RBFOX1: variants seen among roughly 807,000 people sequenced by gnomAD.
RBFOX1 encodes RNA binding protein fox-1 homolog 1.
A neutral mutation model predicts 57.7 loss-of-function variants in RBFOX1; 8 were observed. The observed-to-expected ratio is 0.14, with a 90% CI of 0.08 to 0.25. The LOEUF is 0.25. Among genes scored for constraint, RBFOX1 ranks in the 10% least tolerant of loss-of-function variants. The pLI is 1.00. For synonymous variants in RBFOX1, 326 were observed against 222.4 expected (o/e 1.47, Z -4.15); for missense variants, 611 against 548.5 (o/e 1.11, Z -1.14).
intron 4 of RBFOX1, among the ~76,000 whole-genome samples, chr16:7,265,326 C>T (rs948007462): frequency 2.0e-5 from 3 of 151,258 alleles, no homozygotes; most frequent in Non-Finnish European, 2.9e-5. Flanking sequence ...CCTGTATCTT[C>T]CCTTGGCAGA....
Position 5,752,827 on chromosome 16 carries a change from A to T in RBFOX1, c.319-114476A>T, listed in dbSNP as rs537840799. Among the ~76,000 whole-genome samples the T allele has an allele frequency of 1.6e-4, 25 of 152,288 alleles. No individual in the cohort carries two copies. In the South Asian group the frequency reaches 4.1e-3, roughly 25 times the overall value. On this transcript the variant is annotated intron_variant, in intron 3 of 19. Coordinates refer to the RBFOX1 transcript ENST00000641259. ...ACTTTGAGGCATATGTTGAGTTTCA[A>T]ACTAGATCAAAAGAAATAAATTCAG...
At chr16:6,842,145 A>AAAAAAAT (rs1311386931) in intron 3 of RBFOX1, among the ~76,000 whole-genome samples, 3 of 141,830 alleles carry the variant, frequency 2.1e-5, no homozygotes, top group East Asian at 4.2e-4. Context: ...TGTCTCAGAA[A>AAAAAAAT]AAAAAATAAA....
At chr16:6,316,879 A>C in intron 1 of RBFOX1, 116 bp from the exon 2 acceptor site, 1 of 696,044 alleles carries the variant, frequency 1.4e-6, no homozygotes. Context: ...TTAAATTCAC[A>C]ATATAGTCAG....
At chr16:5,514,760 G>C (rs1488014954) in intron 2 of RBFOX1, among the ~76,000 whole-genome samples, 1 of 152,076 alleles carries the variant, frequency 6.6e-6, no homozygotes, top group Non-Finnish European at 1.5e-5. Context: ...AAGGGGAAGA[G>C]GGGGAATCAG....
chr16:6,964,565 G>T (rs922723396), intron 3 of RBFOX1, among the ~76,000 whole-genome samples: 2 of 152,102 alleles, frequency 1.3e-5, no homozygotes, highest in Middle Eastern at 3.2e-3. Flanking sequence ...GAGGGTATAT[G>T]GGGAATCTCT....
At chr16:7,602,652 T>C (rs919904797) in intron 9 of RBFOX1, among the ~76,000 whole-genome samples, 20 of 152,142 alleles carry the variant, frequency 1.3e-4, no homozygotes, top group Admixed American at 4.6e-4. Flanking sequence ...TGCATGTGAT[T>C]TGCATATATT....
At chr16:7,374,538 C>A (rs1295075749) in intron 4 of RBFOX1, among the ~76,000 whole-genome samples, 1 of 152,062 alleles carries the variant, frequency 6.6e-6, no homozygotes, top group East Asian at 1.9e-4. Context: ...AAGGAATCTA[C>A]CTGGCTCTTA....
chr16:6,907,503 T>A (rs558135884), intron 3 of RBFOX1, among the ~76,000 whole-genome samples: 1 of 152,286 alleles, frequency 6.6e-6, no homozygotes, highest in South Asian at 2.1e-4. Flanking sequence ...CAGGGGTGGT[T>A]CCTTCTGAAA....
chr16:5,642,352 C>G (rs1054929527), intron 3 of RBFOX1, among the ~76,000 whole-genome samples: 1 of 152,148 alleles, frequency 6.6e-6, no homozygotes, highest in African/African-American at 2.4e-5. Context: ...CATGCGAGAT[C>G]AAAATCCTTA....
intron 3 of RBFOX1, among the ~76,000 whole-genome samples, chr16:6,669,978 C>G (rs766497977): frequency 6.6e-6 from 1 of 152,162 alleles, no homozygotes; most frequent in African/African-American, 2.4e-5. Context: ...AGCACCCTAA[C>G]TTACAGTAAG....
chr16:6,078,812 T>C (rs1395059969), intron 1 of RBFOX1, among the ~76,000 whole-genome samples: 1 of 152,236 alleles, frequency 6.6e-6, no homozygotes, highest in Non-Finnish European at 1.5e-5. Flanking sequence ...GGATTTTCCA[T>C]GTCTTTAAGT....
intron 3 of RBFOX1, among the ~76,000 whole-genome samples, chr16:5,774,327 C>G (rs74006277): frequency 0.032 from 4,821 of 152,232 alleles, 273 homozygotes; most frequent in African/African-American, 0.11. Context: ...TTTGACATTT[C>G]TATGTTAGTG....
At chr16:6,224,177 T>A (rs986123866) in intron 1 of RBFOX1, among the ~76,000 whole-genome samples, 8 of 151,926 alleles carry the variant, frequency 5.3e-5, no homozygotes, top group South Asian at 2.1e-4. Context: ...ATTGACTTGG[T>A]GATGAGGGCT....
intron 1 of RBFOX1, among the ~76,000 whole-genome samples, chr16:5,379,720 G>C (rs748928486): frequency 6.6e-6 from 1 of 152,198 alleles, no homozygotes; most frequent in Non-Finnish European, 1.5e-5. Context: ...GGGGGTCTCA[G>C]GGGAAAAGAT....
intron 3 of RBFOX1, among the ~76,000 whole-genome samples, chr16:6,655,194 G>A (rs2098639008): frequency 1.3e-5 from 2 of 150,678 alleles, no homozygotes; most frequent in African/African-American, 4.9e-5. Flanking sequence ...GCCAACATGG[G>A]GAAACCCCGT....
At chr16:5,525,098 T>C (rs1416169516) in intron 2 of RBFOX1, among the ~76,000 whole-genome samples, 3 of 152,200 alleles carry the variant, frequency 2.0e-5, no homozygotes, top group African/African-American at 7.2e-5. Context: ...TGGTGTCTAA[T>C]GCAGGTCTCC....
At chr16:6,352,122 G>T (rs1214156005) in intron 2 of RBFOX1, among the ~76,000 whole-genome samples, 1 of 152,136 alleles carries the variant, frequency 6.6e-6, no homozygotes, top group Non-Finnish European at 1.5e-5. Context: ...GGTTTCTCCA[G>T]TCACTTTATA....
intron 3 of RBFOX1, among the ~76,000 whole-genome samples, chr16:7,000,411 G>T (rs1158462125): frequency 6.6e-6 from 1 of 151,926 alleles, no homozygotes; most frequent in Non-Finnish European, 1.5e-5. Context: ...TATTTGTTGA[G>T]GTCACCGGGT....
chr16:6,703,283 A>G (rs1355263740), intron 3 of RBFOX1, among the ~76,000 whole-genome samples: 2 of 149,002 alleles, frequency 1.3e-5, no homozygotes, highest in African/African-American at 4.9e-5. Context: ...CATTTCATAG[A>G]TAAGAAAGTG....
Sources: allele counts gnomAD v4.1 joint callset (sites outside exome capture counted in the v4.1 genomes callset), GRCh38; gene constraint gnomAD v4.1.1; transcripts MANE v1.5; gene names NCBI Gene and HGNC (gene_info 2026-07-23, HGNC 2026-07-21).